Variants in ANK2 observed in about 807,000 individuals in gnomAD.
ANK2 encodes ankyrin-2.
ANK2 carries 83 observed loss-of-function variants against 360.5 expected under a neutral mutation model. The ratio of observed to expected loss-of-function variants is 0.23; its 90% CI spans 0.19 to 0.28. The LOEUF is 0.28. ANK2 is among the 10% of genes least tolerant of loss of function. The probability of loss-of-function intolerance (pLI) is 1.00; values close to 1 mark genes in which losing one functional copy is unlikely to be tolerated. For missense variants in ANK2, 4,201 were observed against 4,795.7 expected (o/e 0.88, Z 3.66); for synonymous variants, 1,740 against 1,759.5 (o/e 0.99, Z 0.28).
intron 2 of ANK2, among the ~76,000 whole-genome samples, chr4:113,177,729 C>T (rs943476081): frequency 6.6e-6 from 1 of 152,154 alleles, no homozygotes; most frequent in African/African-American, 2.4e-5. Context: ...ACTAACATGT[C>T]ACTATAAAAG....
intron 26 of ANK2, among the ~76,000 whole-genome samples, chr4:113,320,014 A>T (rs1439415419): frequency 1.3e-5 from 2 of 152,244 alleles, no homozygotes; most frequent in African/African-American, 4.8e-5. Context: ...TTTACACAAG[A>T]ATCTGTGCAT....
chr4:113,179,325 A>G (rs2158199), intron 2 of ANK2, among the ~76,000 whole-genome samples: 72,514 of 152,000 alleles, frequency 0.48, 17,836 homozygotes, highest in African/African-American at 0.6. Flanking sequence ...AGGCAATCTG[A>G]GCTGCACCAG....
intron 4 of ANK2, among the ~76,000 whole-genome samples, chr4:113,225,472 C>T (rs2099207378): frequency 6.6e-6 from 1 of 152,038 alleles, no homozygotes; most frequent in South Asian, 2.1e-4. Context: ...TTTATATGAT[C>T]ACTCTTTTTA....
chr4:113,135,235 A>G (rs376562209), intron 1 of ANK2, among the ~76,000 whole-genome samples: 70 of 152,224 alleles, frequency 4.6e-4, no homozygotes, highest in Admixed American at 9.2e-4. Flanking sequence ...AAAGATACCT[A>G]TGAAAAATAA....
intron 1 of ANK2, among the ~76,000 whole-genome samples, chr4:112,857,997 C>T (rs1447042060): frequency 6.6e-6 from 1 of 152,128 alleles, no homozygotes; most frequent in African/African-American, 2.4e-5. Context: ...TCTTTATTTA[C>T]TTTTCTCCAC....
At chr4:113,281,869 G>T (rs1210767502) in intron 17 of ANK2, among the ~76,000 whole-genome samples, 1 of 152,112 alleles carries the variant, frequency 6.6e-6, no homozygotes, top group East Asian at 1.9e-4. Context: ...CAAAGCAGCA[G>T]GTTATAAAGA....
intron 2 of ANK2, among the ~76,000 whole-genome samples, chr4:113,189,729 T>C (rs978880619): frequency 1.6e-4 from 24 of 152,220 alleles, no homozygotes; most frequent in African/African-American, 5.8e-4. Context: ...CACCTCTTTC[T>C]TCTCAATTCC....
chr4:113,367,464 T>G, intron 41 of ANK2, 102 bp from the exon 42 acceptor site: 5 of 1,118,948 alleles, frequency 4.5e-6, no homozygotes, highest in Non-Finnish European at 6.6e-6. Flanking sequence ...ATGTAGCACA[T>G]TTATCTTCTT....
intron 1 of ANK2, among the ~76,000 whole-genome samples, chr4:113,097,913 T>C (rs1408503865): frequency 7.4e-6 from 1 of 135,726 alleles, no homozygotes; most frequent in African/African-American, 2.8e-5. Context: ...TATATATGTA[T>C]ATATACACAC....
At chr4:113,010,039 A>C (rs574004688) in intron 2 of ANK2, among the ~76,000 whole-genome samples, 220 of 152,238 alleles carry the variant, frequency 1.4e-3, no homozygotes, top group Non-Finnish European at 2.0e-3. Flanking sequence ...CTCACATGGC[A>C]AAAGGTGAAA....
intron 1 of ANK2, among the ~76,000 whole-genome samples, chr4:112,856,831 TA>T (rs1223349029): frequency 2.0e-5 from 3 of 152,324 alleles, no homozygotes; most frequent in Middle Eastern, 3.4e-3. Flanking sequence ...ACTGTTGTAA[TA>T]GGGGAGAGAA....
the ANK2 span, among the ~76,000 whole-genome samples, chr4:112,707,355 G>A: frequency 6.6e-6 from 1 of 152,118 alleles, no homozygotes. Flanking sequence ...TTGTTTATGG[G>A]CATTTTTTAA....
intron 1 of ANK2, among the ~76,000 whole-genome samples, chr4:112,842,470 C>A (rs11733766): frequency 6.6e-6 from 1 of 152,090 alleles, no homozygotes; most frequent in Non-Finnish European, 1.5e-5. Context: ...GCACGAGGGA[C>A]GGGTTTCATG....
chr4:112,895,267 C>T (rs1434712952), intron 1 of ANK2, among the ~76,000 whole-genome samples: 2 of 152,168 alleles, frequency 1.3e-5, no homozygotes, highest in Admixed American at 1.3e-4. Flanking sequence ...ACATATTAGC[C>T]TAATACCACA....
intron 1 of ANK2, among the ~76,000 whole-genome samples, chr4:112,851,273 A>T (rs2064924773): frequency 6.6e-6 from 1 of 152,200 alleles, no homozygotes; most frequent in African/African-American, 2.4e-5. Flanking sequence ...ATCCAAAGAT[A>T]ACGAGGAGAG....
chr4:113,360,236 T>C (rs960079587), intron 38 of ANK2, among the ~76,000 whole-genome samples: 11 of 152,170 alleles, frequency 7.2e-5, no homozygotes. Context: ...AAGACATATA[T>C]GCATACAGAT....
chr4:113,072,695 A>G (rs981561848), intron 1 of ANK2, among the ~76,000 whole-genome samples: 4 of 151,238 alleles, frequency 2.6e-5, no homozygotes, highest in Non-Finnish European at 5.9e-5. Context: ...TAATAAATTA[A>G]TAGAACTTTT....
chr4:112,958,098 C>T lies in ANK2; in HGVS notation c.21+53584C>T, dbSNP rs1349300225. Among the ~76,000 whole-genome samples the T allele has an allele frequency of 1.6e-4, 24 of 150,886 alleles. 1 individual carries two copies. The highest frequency in any genetic ancestry group is 1.5e-3 in the South Asian group (7 of 4,754). ...GGATGGCGGCCGGGCAGAGACGCTCCTCACTTTCCAGACTGGGCAGCCAGG... is the reference window on the plus strand; with the variant it reads ...GGATGGCGGCCGGGCAGAGACGCTCTTCACTTTCCAGACTGGGCAGCCAGG... On this transcript the variant is annotated intron_variant, in intron 2 of 30. Coordinates refer to the ANK2 transcript ENST00000503271.
chr4:112,918,537 C>T (rs933291184), intron 2 of ANK2, among the ~76,000 whole-genome samples: 1 of 152,202 alleles, frequency 6.6e-6, no homozygotes, highest in African/African-American at 2.4e-5. Flanking sequence ...TGATCGCCCT[C>T]ACCATGGCTG....
Sources: gnomAD v4.1 joint callset for allele counts (sites outside exome capture counted in the v4.1 genomes callset) on GRCh38, gnomAD v4.1.1 for gene constraint, MANE v1.5 for transcripts, NCBI Gene and HGNC (gene_info 2026-07-23, HGNC 2026-07-21) for gene names.